The following NAB1 variants were observed in gnomAD, a reference collection of about 807,000 sequenced individuals.
NAB1 encodes NGFI-A-binding protein 1.
A neutral mutation model predicts 49.9 loss-of-function variants in NAB1; 25 were observed. The observed-to-expected ratio is 0.50, with a 90% CI of 0.37 to 0.70. The LOEUF (loss-of-function observed/expected upper bound fraction) is 0.70, where lower values mean the gene tolerates loss of function less well. NAB1 is among the 30% of genes least tolerant of loss of function. The pLI is 0.00. For synonymous variants in NAB1, 198 were observed against 215.6 expected (o/e 0.92, Z 0.71); for missense variants, 489 against 575.9 (o/e 0.85, Z 1.54).
At chr2:190,656,536 A>G (rs1401038647) in intron 3 of NAB1, among the ~76,000 whole-genome samples, 5 of 152,176 alleles carry the variant, frequency 3.3e-5, no homozygotes, top group African/African-American at 7.2e-5. Context: ...TGCATCTGTT[A>G]TCTTGGCTTT....
At position 190,657,706 on chromosome 2, in the gene NAB1, A is replaced by AGAGT. The variant is rs988479685; in HGVS notation, c.-19-1450_-19-1447dup. ...ATGGGACTTCCGGTAGTCAGTGCTT[A>AGAGT]GAGTGGTAGGGACACCCATTCTCCT... On this transcript the variant is annotated intron_variant, in intron 3 of 9. Coordinates refer to ENST00000337386, the MANE Select transcript of NAB1 (RefSeq NM_005966.4). This position sits in a 1 kb window ranked among gnomAD's most constrained non-coding sequence, Gnocchi z 4.4. 1.6e-4 allele frequency among the ~76,000 whole-genome samples: 25 copies of AGAGT among 152,344 alleles called. No individual in the cohort carries two copies. Among genetic ancestry groups the AGAGT allele is most frequent in the African/African-American group, 6.0e-4 (25 of 41,582 alleles).
rs562358154 is a variant in NAB1, at chr2:190,688,908, C to T, written c.1376-1337C>T. Among the ~76,000 whole-genome samples, 226 of 151,676 alleles carry T rather than the reference C, an allele frequency of 1.5e-3. 1 individual carries two copies. Among genetic ancestry groups the T allele is most frequent in the African/African-American group, 5.0e-3 (207 of 41,310 alleles). ...AGGCTGGAGTGCAGTGGCTCAGTCT[C>T]GGCTCACTCCAGCTCCTCCTCCCGG... On this transcript the variant is annotated intron_variant, in intron 9 of 9. Coordinates refer to ENST00000337386, the MANE Select transcript of NAB1 (RefSeq NM_005966.4).
Position 190,690,528 on chromosome 2 carries a change from T to G in NAB1, c.*195T>G, listed in dbSNP as rs566300461. The G allele has an allele frequency of 1.9e-6, 1 of 514,930 alleles. No individual in the cohort carries two copies. Among genetic ancestry groups the G allele is most frequent in the East Asian group, 2.9e-5 (1 of 34,042 alleles). The allele number at this position is 514,930 out of a possible 1,614,324, so 31.9% of individuals were successfully genotyped here. A position where few individuals can be genotyped will look rare whatever the true frequency, so the allele number is the denominator to read the frequency against. Reference sequence around the variant, plus strand: ...CAGCCACAAAAGAGAAAATCAAGAGTGTTGCAATCTATAACAGTAATATTG... The same window carrying G: ...CAGCCACAAAAGAGAAAATCAAGAGGGTTGCAATCTATAACAGTAATATTG... On this transcript the variant is annotated 3_prime_UTR_variant, in exon 10 of 10. Coordinates refer to ENST00000337386, the MANE Select transcript of NAB1 (RefSeq NM_005966.4).
At position 190,660,009 on chromosome 2, in the gene NAB1, G is replaced by A. The variant is rs771778876; in HGVS notation, c.819+14G>A. 15 of 1,597,616 alleles carry A rather than the reference G, an allele frequency of 9.4e-6. No individual in the cohort carries two copies. Among genetic ancestry groups the A allele is most frequent in the East Asian group, 6.7e-5 (3 of 44,604 alleles). On this transcript the variant is annotated intron_variant, in intron 4 of 9. Coordinates refer to ENST00000337386, the MANE Select transcript of NAB1 (RefSeq NM_005966.4). Reference sequence around the variant, plus strand: ...ACACTTCATGAGGTACAAAGCCCGCGTTGTTCCTTCTGTGTGTGTATGTGG... The same window carrying A: ...ACACTTCATGAGGTACAAAGCCCGCATTGTTCCTTCTGTGTGTGTATGTGG...
At position 190,680,690 on chromosome 2, in the gene NAB1, A is replaced by G. The variant is rs1292679528; in HGVS notation, c.1006-3048A>G. Among the ~76,000 whole-genome samples the G allele has an allele frequency of 6.6e-6, 1 of 152,184 alleles. No individual in the cohort carries two copies. The highest frequency in any genetic ancestry group is 1.5e-5 in the Non-Finnish European group (1 of 68,030). On this transcript the variant is annotated intron_variant, in intron 6 of 9. Transcript: ENST00000337386. The surrounding 1 kb of genome is among the most constrained non-coding windows in gnomAD (Gnocchi z 5.2). ...GAGATAGTTCCCCACGAATGTGCTT[A>G]ATATTCTCTGGTTGATTTTAGTATT...
rs1695094017 is a variant in NAB1 at position 190,676,774 on chromosome 2, A to C, written c.1005+3622A>C. Reference sequence around the variant, plus strand: ...AACAGATTTCTAATTACAAGGCCCAAACTAATGAGACAAGTTTTTCTCTTT... The same window carrying C: ...AACAGATTTCTAATTACAAGGCCCACACTAATGAGACAAGTTTTTCTCTTT... On this transcript the variant is annotated intron_variant, in intron 6 of 9. Transcript: ENST00000337386. The surrounding 1 kb of genome is among the most constrained non-coding windows in gnomAD (Gnocchi z 4.6). Among the ~76,000 whole-genome samples the C allele has an allele frequency of 6.6e-6, 1 of 152,226 alleles. No homozygotes were observed. Among genetic ancestry groups the C allele is most frequent in the South Asian group, 2.1e-4 (1 of 4,830 alleles).
At chr2:190,650,722 G>A (rs1225363627) in intron 2 of NAB1, among the ~76,000 whole-genome samples, 1 of 152,118 alleles carries the variant, frequency 6.6e-6, no homozygotes, top group Non-Finnish European at 1.5e-5. Flanking sequence ...CAGTAAAAGT[G>A]GCTCTTAGAT....
chr2:190,668,142 T>C lies in NAB1; in HGVS notation c.820-2184T>C, dbSNP rs115484052. On this transcript the variant is annotated intron_variant, in intron 4 of 9. Coordinates refer to ENST00000337386, the MANE Select transcript of NAB1 (RefSeq NM_005966.4). ...GTAGGAAATGGACTCATCATGTAAT[T>C]ATTGACAGCATTATGATTTAGAGAA... Among the ~76,000 whole-genome samples the C allele has an allele frequency of 5.7e-3, 863 of 152,296 alleles. 7 individuals carry two copies. The highest frequency in any genetic ancestry group is 0.02 in the African/African-American group (821 of 41,566).
intron 8 of NAB1, 30 bp from the exon 9 acceptor site, chr2:190,687,170 AT>A: frequency 7.3e-7 from 1 of 1,372,034 alleles, no homozygotes; most frequent in Non-Finnish European, 9.9e-7. Context: ...TGTTTTTAAT[AT>A]TATGCATATT....
Position 190,652,911 on chromosome 2 carries a change from G to T in NAB1, c.-197+2929G>T, listed in dbSNP as rs1693739731. ...ATAATTAATTGCATAGAGCAAGCTT[G>T]TCCAACCCGAGGCCTGTGGTTGCAT... is the stretch of plus-strand genomic sequence containing the variant. On this transcript the variant is annotated intron_variant, in intron 2 of 9. Transcript: ENST00000337386. This position sits in a 1 kb window ranked among gnomAD's most constrained non-coding sequence, Gnocchi z 4.2. Among the ~76,000 whole-genome samples the T allele has an allele frequency of 6.6e-6, 1 of 152,222 alleles. No homozygotes were observed. The highest frequency in any genetic ancestry group is 1.5e-5 in the Non-Finnish European group (1 of 68,036).
In NAB1 at chr2:190,657,323, T is replaced by C. The variant is rs922556548; in HGVS notation, c.-20+1170T>C. On this transcript the variant is annotated intron_variant, in intron 3 of 9. Coordinates refer to ENST00000337386, the MANE Select transcript of NAB1 (RefSeq NM_005966.4). The surrounding 1 kb of genome is among the most constrained non-coding windows in gnomAD (Gnocchi z 4.4). ...GCAAGAACGTTTTTATCCAGAGGAC[T>C]GAGGTGGCATGAATGTGAAGGTTGA... 1.3e-5 allele frequency among the ~76,000 whole-genome samples: 2 copies of C among 152,162 alleles called. No individual in the cohort carries two copies. The highest frequency in any genetic ancestry group is 2.9e-5 in the Non-Finnish European group (2 of 68,028).
In NAB1 at chr2:190,683,780, C is replaced by A. The variant is rs1316974470; in HGVS notation, c.1048C>A (p.Gln350Lys). The A allele has an allele frequency of 6.2e-7, 1 of 1,613,720 alleles. No homozygotes were observed. The highest frequency in any genetic ancestry group is 2.2e-5 in the East Asian group (1 of 44,854). The change falls in exon 7 of 10, where the codon CAG (glutamine) becomes AAG (lysine). Residue 350 changes from glutamine (Q) to lysine (K), a missense_variant. Physicochemically the swap from Gln to Lys is moderately conservative, Grantham distance 53. Transcript: ENST00000337386. The part of the protein sequence containing the change: ...DFQDSVQTLF[Q>K]QARAKSEELA... ...CCAGGATTCTGTGCAAACACTCTTC[C>A]AGCAGGCTAGAGCTAAGAGTGAAGA...
chr2:190,668,239 T>C (rs2125701585), intron 4 of NAB1, among the ~76,000 whole-genome samples: 1 of 152,218 alleles, frequency 6.6e-6, no homozygotes, highest in East Asian at 1.9e-4. Flanking sequence ...ACCTAACTGG[T>C]CTATTTGTAG....
At chr2:190,687,701 G>C (rs1695689369) in intron 9 of NAB1, among the ~76,000 whole-genome samples, 1 of 152,166 alleles carries the variant, frequency 6.6e-6, no homozygotes, top group African/African-American at 2.4e-5. Context: ...AACACTGGCT[G>C]CTCTCACTAG....
intron 4 of NAB1, among the ~76,000 whole-genome samples, chr2:190,662,288 TAAG>T (rs935386610): frequency 1.3e-5 from 2 of 152,186 alleles, no homozygotes; most frequent in African/African-American, 4.8e-5. Flanking sequence ...ATTTTTCTTG[TAAG>T]AAGAAGAAAA....
chr2:190,671,460 A>G (rs984360612), intron 5 of NAB1, among the ~76,000 whole-genome samples: 2 of 152,222 alleles, frequency 1.3e-5, no homozygotes, highest in African/African-American at 4.8e-5. Context: ...GTAAGAATAT[A>G]CAGCAACATT....
chr2:190,672,833 G>A (rs78121628), intron 5 of NAB1, among the ~76,000 whole-genome samples: 182 of 152,014 alleles, frequency 1.2e-3, no homozygotes, highest in Non-Finnish European at 2.2e-3. Flanking sequence ...ATTATTGAGT[G>A]GCTTTCATAC....
At chr2:190,655,825 C>G (rs1246739248) in intron 2 of NAB1, among the ~76,000 whole-genome samples, 152 bp from the exon 3 acceptor site, 1 of 152,186 alleles carries the variant, frequency 6.6e-6, no homozygotes. Flanking sequence ...GTGACTGATG[C>G]TACCCTGTAA....
Position 190,689,020 on chromosome 2 carries a change from A to G in NAB1, c.1376-1225A>G, listed in dbSNP as rs189898341. ...CACCTGGCTAATTTTTTGTATTTTT[A>G]GTAGAGACGGGGTTTTACCGTGGTC... On this transcript the variant is annotated intron_variant, in intron 9 of 9. Transcript: ENST00000337386. The surrounding 1 kb of genome is among the most constrained non-coding windows in gnomAD (Gnocchi z 4.3). Among the ~76,000 whole-genome samples, 1 of 152,094 alleles carries G rather than the reference A, an allele frequency of 6.6e-6. No homozygotes were observed. Among genetic ancestry groups the G allele is most frequent in the East Asian group, 1.9e-4 (1 of 5,174 alleles).
Sources: allele counts gnomAD v4.1 joint callset (sites outside exome capture counted in the v4.1 genomes callset), GRCh38; gene constraint gnomAD v4.1.1; non-coding constraint Gnocchi (gnomAD v3.1); transcripts MANE v1.5; gene names NCBI Gene and HGNC (gene_info 2026-07-23, HGNC 2026-07-21).